Variants in CASP1 observed in about 807,000 individuals in gnomAD.
CASP1 encodes the protein caspase-1.
CASP1 carries 31 observed loss-of-function variants against 41.2 expected under a neutral mutation model. The observed-to-expected ratio is 0.75, with a 90% CI of 0.57 to 1.02. CASP1 has a LOEUF of 1.02. CASP1 is among the 50% of genes least tolerant of loss of function. The pLI, the probability that CASP1 is intolerant of heterozygous loss-of-function variation, is 0.00. For synonymous variants in CASP1, 163 were observed against 166.5 expected, an observed-to-expected ratio of 0.98 and a Z score of 0.16; for missense variants, 490 against 495.7, an observed-to-expected ratio of 0.99 and a Z score of 0.11.
chr11:105,027,619 GAC>G (rs1173382065), intron 7 of CASP1, among the ~76,000 whole-genome samples: 3 of 152,042 alleles, frequency 2.0e-5, no homozygotes, highest in African/African-American at 7.2e-5. Flanking sequence ...TGTAATGACA[GAC>G]ACATTCTTTA....
At chr11:105,031,438 C>T (rs1051842443) in intron 3 of CASP1, among the ~76,000 whole-genome samples, 158 bp from the exon 4 acceptor site, 2 of 152,110 alleles carry the variant, frequency 1.3e-5, no homozygotes, top group African/African-American at 4.8e-5. Flanking sequence ...TGAGTTTGCT[C>T]CTAATGGAGC....
chr11:105,026,961 A>C lies in CASP1; in HGVS notation c.1007-10T>G. The C allele has an allele frequency of 1.4e-6, 2 of 1,435,550 alleles. No individual in the cohort carries two copies. Among genetic ancestry groups the C allele is most frequent in the Non-Finnish European group, 2.0e-6 (2 of 1,017,354 alleles). 88.9% of individuals were successfully genotyped at this position (1,435,550 alleles called of 1,614,324 possible). A position where few individuals can be genotyped will look rare whatever the true frequency, so the allele number is the denominator to read the frequency against. ...CTCCAAGAAACATTATCTATGGATA[A>C]AGCACATTTCAAATCTCAAGACTGG... On this transcript the variant is annotated splice_polypyrimidine_tract_variant and intron_variant, in intron 7 of 8. Coordinates refer to ENST00000533400, the MANE Select transcript of CASP1 (RefSeq NM_001257118.3).
At chr11:105,030,155 T>C (rs1863594619) in intron 5 of CASP1, among the ~76,000 whole-genome samples, 175 bp downstream of exon 5, 1 of 152,174 alleles carries the variant, frequency 6.6e-6, no homozygotes, top group Non-Finnish European at 1.5e-5. Flanking sequence ...ACCAGGCTTG[T>C]GCTGCATGAC....
At chr11:105,029,376 C>A in intron 6 of CASP1, 109 bp from the exon 7 acceptor site, 1 of 892,616 alleles carries the variant, frequency 1.1e-6, no homozygotes, top group South Asian at 1.8e-5. Context: ...ATCATTAATT[C>A]ACATGCAAAT....
rs762872308 is a variant in CASP1 at position 105,034,245 on chromosome 11, T to C, written c.237A>G (p.Glu79=). Reference sequence around the variant, plus strand: ...CCAGCGTCCCTGCCAGGTAACTGTCTTCTTCACAAATGTATGTGATGCAAA... The same window carrying C: ...CCAGCGTCCCTGCCAGGTAACTGTCCTCTTCACAAATGTATGTGATGCAAA... ...CQICITYICE[E]DSYLAGTLGL... Residue 79 remains glutamate (E), a synonymous_variant, in exon 2 of 9, where the codon GAA becomes GAG. Transcript: ENST00000533400. The C allele has an allele frequency of 4.3e-6, 7 of 1,614,154 alleles. No individual in the cohort carries two copies. The highest frequency in any genetic ancestry group is 1.7e-5 in the Admixed American group (1 of 60,016).
chr11:105,028,731 T>C (rs500577), intron 7 of CASP1, among the ~76,000 whole-genome samples: 23,196 of 152,056 alleles, frequency 0.15, 2,036 homozygotes, highest in Admixed American at 0.25. Flanking sequence ...CCCCAAAGTG[T>C]CTCGCTTGCT....
rs756248172 is a variant in CASP1 at position 105,029,766 on chromosome 11, T to G, written c.761A>C (p.Asp254Ala). ...AAAGATTGCATTGAGTTGTAGTATA[T>G]CTGGGACTTGCTCAGAGTGTTTCTT... The part of the protein sequence containing the change: ...CGKKHSEQVP[D>A]ILQLNAIFNM... Residue 254 changes from aspartate (D) to alanine (A), a missense_variant, in exon 6 of 9, where the codon GAT becomes GCT. Coordinates refer to ENST00000533400, the MANE Select transcript of CASP1 (RefSeq NM_001257118.3). The G allele has an allele frequency of 1.9e-5, 30 of 1,613,734 alleles. No homozygotes were observed. Among genetic ancestry groups the G allele is most frequent in the Non-Finnish European group, 2.5e-5 (30 of 1,179,728 alleles).
chr11:105,032,374 T>C (rs150083694), intron 3 of CASP1, among the ~76,000 whole-genome samples: 482 of 152,312 alleles, frequency 3.2e-3, no homozygotes, highest in African/African-American at 0.011. Flanking sequence ...TTTCTTTATA[T>C]ATTGAATATC....
chr11:105,035,164 C>T (rs1259433641), upstream of CASP1: 1 of 1,613,472 alleles, frequency 6.2e-7, no homozygotes, highest in Non-Finnish European at 8.5e-7. Context: ...GTATGCTTCG[C>T]CTTCCTTTTT....
intron 1 of CASP1, 116 bp from the exon 2 acceptor site, chr11:105,034,590 G>C: frequency 6.6e-7 from 1 of 1,509,772 alleles, no homozygotes; most frequent in South Asian, 1.3e-5. Flanking sequence ...CCTCCTCACA[G>C]TTGGGTAATC....
At chr11:105,026,426 A>G (rs1279790079) in intron 8 of CASP1, 70 bp from the exon 9 acceptor site, 1 of 998,944 alleles carries the variant, frequency 1.0e-6, no homozygotes, top group Non-Finnish European at 1.5e-6. Context: ...TTCTTGAGTT[A>G]TGCCAAAAAA....
At chr11:105,032,553 A>G (rs557460545) in intron 3 of CASP1, among the ~76,000 whole-genome samples, 3 of 152,260 alleles carry the variant, frequency 2.0e-5, no homozygotes, top group East Asian at 3.9e-4. Flanking sequence ...AAAATAATAG[A>G]AGTAGAAATA....
Position 105,026,476 on chromosome 11 carries a change from G to T in CASP1, c.1117-120C>A, listed in dbSNP as rs140136798. ...GCAAAATAAGTGACAAAAACAAAAA[G>T]TACTTCCATCTGCAACAAGTATAAC... On this transcript the variant is annotated intron_variant, in intron 8 of 8. Coordinates refer to ENST00000533400, the MANE Select transcript of CASP1 (RefSeq NM_001257118.3). 560 of 662,652 alleles carry T rather than the reference G, an allele frequency of 8.5e-4. 4 individuals are homozygous for T. The African/African-American group carries it at 8.7e-3, about 10-fold the overall frequency. The allele number at this position is 662,652 out of a possible 1,614,324, so 41.0% of individuals were successfully genotyped here.
At chr11:105,036,667 G>C (rs1490987738), upstream of CASP1, among the ~76,000 whole-genome samples, 1 of 152,124 alleles carries the variant, frequency 6.6e-6, no homozygotes, top group Non-Finnish European at 1.5e-5. Context: ...GGCCTCCCCA[G>C]CCATGTGGAA....
At chr11:105,035,231 T>C (rs1565229286), upstream of CASP1, 2 of 1,347,378 alleles carry the variant, frequency 1.5e-6, no homozygotes, top group East Asian at 2.3e-5. Context: ...TGCATGTCTT[T>C]ATTTTTCTTC....
At position 105,026,317 on chromosome 11, in the gene CASP1, T is replaced by A. The variant is rs1250825860; in HGVS notation, c.1156A>T (p.Met386Leu). ...AAAGTCACTCTTTCAGTGGTGGGCA[T>A]CTGCGCTCTACCATCTGGCTGCTCA... ...SFEQPDGRAQ[M>L]PTTERVTLTR... The change falls in exon 9 of 9, where the codon ATG becomes TTG. Residue 386 changes from methionine to leucine, a missense_variant. Transcript: ENST00000533400. 1 of 1,612,272 alleles carries A rather than the reference T, an allele frequency of 6.2e-7. No homozygotes were observed. The highest frequency in any genetic ancestry group is 1.7e-5 in the Admixed American group (1 of 59,884).
In CASP1 at chr11:105,033,039, G is replaced by C. The variant is rs368423770; in HGVS notation, c.337+25C>G. ...TCAAGGAAGATGTGGGTCAAAGAAT[G>C]CTCTTCCTTTAAAAACAGCATTACC... On this transcript the variant is annotated intron_variant, in intron 3 of 8. Coordinates refer to ENST00000533400, the MANE Select transcript of CASP1 (RefSeq NM_001257118.3). The C allele has an allele frequency of 3.7e-5, 53 of 1,429,292 alleles. No individual in the cohort carries two copies. In the Admixed American group the frequency reaches 8.8e-4, roughly 24 times the overall value. 88.5% of individuals were successfully genotyped at this position (1,429,292 alleles called of 1,614,324 possible).
In CASP1 at chr11:105,026,129, T is replaced by C; in HGVS notation, c.*129A>G. On this transcript the variant is annotated 3_prime_UTR_variant, in exon 9 of 9. Transcript: ENST00000533400. The stretch of plus-strand genomic sequence containing the variant: ...CATTTCAAAATTCAAATTTTTGGAT[T>C]AAGGATTCTCAGCCTGTAAACCTAG... 1.7e-6 allele frequency: 1 copy of C among 581,280 alleles called. No individual in the cohort carries two copies. Among genetic ancestry groups the C allele is most frequent in the Non-Finnish European group, 3.0e-6 (1 of 329,422 alleles). The allele number at this position is 581,280 out of a possible 1,614,324, so 36.0% of individuals were successfully genotyped here. A position where few individuals can be genotyped will look rare whatever the true frequency, so the allele number is the denominator to read the frequency against.
chr11:105,029,592 C>G (rs1036217986), intron 6 of CASP1, 73 bp downstream of exon 6: 35 of 1,160,612 alleles, frequency 3.0e-5, no homozygotes, highest in Admixed American at 1.2e-4. Context: ...CAAAAGAAAC[C>G]AAAAATTCTT....
Sources: gnomAD v4.1 joint callset for allele counts (sites outside exome capture counted in the v4.1 genomes callset) on GRCh38, gnomAD v4.1.1 for gene constraint, MANE v1.5 for transcripts, NCBI Gene and HGNC (gene_info 2026-07-23, HGNC 2026-07-21) for gene names.